SRPK2: variants seen among roughly 807,000 people sequenced by gnomAD.
SRPK2 encodes the protein SFRS protein kinase 2.
SRPK2 carries 21 observed loss-of-function variants against 90.8 expected under a neutral mutation model. The observed-to-expected ratio is 0.23, with a 90% CI of 0.16 to 0.33. The LOEUF (loss-of-function observed/expected upper bound fraction) is 0.33. SRPK2 is among the 10% of genes least tolerant of loss of function. The pLI is 1.00. For missense variants in SRPK2, 620 were observed against 869.0 expected (o/e 0.71, Z 3.60); for synonymous variants, 288 against 311.1 (o/e 0.93, Z 0.78).
intron 2 of SRPK2, among the ~76,000 whole-genome samples, chr7:105,248,436 T>TA (rs56040288): frequency 0.019 from 2,382 of 127,820 alleles, 78 homozygotes; most frequent in East Asian, 0.07. Context: ...ACAAAAAATT[T>TA]AAAAAAAAAA....
chr7:105,296,312 G>A (rs1809811407), intron 2 of SRPK2, among the ~76,000 whole-genome samples: 1 of 152,158 alleles, frequency 6.6e-6, no homozygotes, highest in Non-Finnish European at 1.5e-5. Context: ...CTAGTATTCA[G>A]TCCTCTTAAT....
At chr7:105,336,402 A>G (rs1350443550) in intron 2 of SRPK2, among the ~76,000 whole-genome samples, 2 of 152,334 alleles carry the variant, frequency 1.3e-5, no homozygotes, top group East Asian at 3.9e-4. Flanking sequence ...TTAGAAATAT[A>G]AAACCTTTAA....
chr7:105,236,871 C>A (rs943293574), intron 2 of SRPK2, among the ~76,000 whole-genome samples: 2 of 152,156 alleles, frequency 1.3e-5, no homozygotes, highest in African/African-American at 2.4e-5. Context: ...GAACCACCTC[C>A]ACAAATATAG....
chr7:105,274,517 ACACCACTGCACTCCAAGCTGGG>A (rs1485659901), intron 2 of SRPK2, among the ~76,000 whole-genome samples: 1 of 151,464 alleles, frequency 6.6e-6, no homozygotes, highest in African/African-American at 2.4e-5. Context: ...AGCCGAGATC[ACACCACTGCACTCCAAGCTGGG>A]AGACAGAGCA....
chr7:105,145,107 C>CAA (rs10718877), intron 9 of SRPK2, among the ~76,000 whole-genome samples, 176 bp downstream of exon 9: 4 of 107,178 alleles, frequency 3.7e-5, no homozygotes, highest in South Asian at 2.9e-4. Flanking sequence ...ACTCAGTTTT[C>CAA]AAAAAAAAAA....
At chr7:105,217,899 G>C (rs1441849812) in intron 2 of SRPK2, among the ~76,000 whole-genome samples, 2 of 152,174 alleles carry the variant, frequency 1.3e-5, no homozygotes, top group Non-Finnish European at 2.9e-5. Flanking sequence ...CCAGTCTCCT[G>C]TATAATTCCC....
intron 2 of SRPK2, among the ~76,000 whole-genome samples, chr7:105,314,568 G>A (rs1215600457): frequency 6.6e-6 from 1 of 152,028 alleles, no homozygotes; most frequent in Non-Finnish European, 1.5e-5. Context: ...ATTTTTGGTA[G>A]AGACAGGGTT....
intron 2 of SRPK2, among the ~76,000 whole-genome samples, chr7:105,217,355 A>G (rs1797598841): frequency 6.6e-6 from 1 of 152,264 alleles, no homozygotes. Context: ...TTACCTAATT[A>G]AGCGGAATAG....
At position 105,117,443 on chromosome 7, in the gene SRPK2, G is replaced by C. The variant is rs1249656316; in HGVS notation, c.*395C>G. On this transcript the variant is annotated 3_prime_UTR_variant, in exon 16 of 16. Transcript: ENST00000393651. ...CCTTGCTATTTCTTGGTTCCAACTT[G>C]ATAATTTCTTAAGATTGTAAATTAT... is the stretch of plus-strand genomic sequence containing the variant. 5.3e-6 allele frequency: 1 copy of C among 189,860 alleles called. No homozygotes were observed. The highest frequency in any genetic ancestry group is 2.4e-5 in the African/African-American group (1 of 41,750). The allele number at this position is 189,860 out of a possible 1,614,324, so 11.8% of individuals were successfully genotyped here.
chr7:105,296,655 G>A (rs1054948182), intron 2 of SRPK2, among the ~76,000 whole-genome samples: 7 of 152,212 alleles, frequency 4.6e-5, no homozygotes, highest in African/African-American at 9.6e-5. Flanking sequence ...GAAGCCAAAG[G>A]AGAGATGGCA....
intron 2 of SRPK2, among the ~76,000 whole-genome samples, chr7:105,386,556 A>G (rs973491285): frequency 6.6e-6 from 1 of 151,582 alleles, no homozygotes; most frequent in Admixed American, 6.6e-5. Flanking sequence ...TCTACTAAAA[A>G]ATACAAAAAA....
rs1799705681 is a variant in SRPK2, at chr7:105,117,129, TTC to T, written c.*707_*708del. On this transcript the variant is annotated 3_prime_UTR_variant, in exon 16 of 16. Coordinates refer to ENST00000393651, the MANE Select transcript of SRPK2 (RefSeq NM_182692.3). ...TATTTTAGAATGAGAAACATATCTT[TTC>T]TTCCTTTAAAGTGCCATATAGAGAA... is the stretch of plus-strand genomic sequence containing the variant. 1 of 152,246 alleles carries T rather than the reference TTC, an allele frequency of 6.6e-6. No individual in the cohort carries two copies. Among genetic ancestry groups the T allele is most frequent in the Non-Finnish European group, 1.5e-5 (1 of 68,052 alleles). The allele number at this position is 152,246 out of a possible 1,614,324, so 9.4% of individuals were successfully genotyped here.
intron 2 of SRPK2, among the ~76,000 whole-genome samples, chr7:105,278,864 A>G (rs1320373684): frequency 6.6e-6 from 1 of 152,190 alleles, no homozygotes; most frequent in Non-Finnish European, 1.5e-5. Flanking sequence ...TGGCTGCATT[A>G]TAACCTAAAA....
chr7:105,241,192 T>C (rs1251228476), intron 2 of SRPK2, among the ~76,000 whole-genome samples: 1 of 152,188 alleles, frequency 6.6e-6, no homozygotes. Context: ...AACAGGACTG[T>C]AAAGCTAAAT....
intron 2 of SRPK2, among the ~76,000 whole-genome samples, chr7:105,277,082 TTA>T (rs1563181637): frequency 7.0e-6 from 1 of 143,706 alleles, no homozygotes; most frequent in African/African-American, 2.6e-5. Context: ...CTTATTATTA[TTA>T]TTTTTTTTTT....
intron 2 of SRPK2, among the ~76,000 whole-genome samples, chr7:105,339,875 T>G (rs561747894): frequency 6.6e-6 from 1 of 152,046 alleles, no homozygotes; most frequent in Non-Finnish European, 1.5e-5. Context: ...CTGGCCAACA[T>G]GGTGAAACCC....
At chr7:105,194,969 G>A (rs1449961886) in intron 3 of SRPK2, among the ~76,000 whole-genome samples, 1 of 152,182 alleles carries the variant, frequency 6.6e-6, no homozygotes, top group Non-Finnish European at 1.5e-5. Context: ...CAAGATAAAA[G>A]TATATTTCAA....
chr7:105,199,813 T>C (rs1045533754), intron 3 of SRPK2, among the ~76,000 whole-genome samples: 1 of 151,656 alleles, frequency 6.6e-6, no homozygotes, highest in African/African-American at 2.4e-5. Context: ...CCTAGCTCTG[T>C]ACTGAGATCT....
chr7:105,167,352 A>C, intron 6 of SRPK2, 25 bp downstream of exon 6: 1 of 1,587,580 alleles, frequency 6.3e-7, no homozygotes, highest in African/African-American at 1.3e-5. Context: ...GTAAAAATAC[A>C]AATAAATCAG....
Sources: gnomAD v4.1 joint callset for allele counts (sites outside exome capture counted in the v4.1 genomes callset) on GRCh38, gnomAD v4.1.1 for gene constraint, MANE v1.5 for transcripts, NCBI Gene and HGNC (gene_info 2026-07-23, HGNC 2026-07-21) for gene names.